Variants in ALG5 observed in about 807,000 individuals in gnomAD.
The protein encoded by ALG5 is ALG5 dolichyl-phosphate beta-glucosyltransferase.
Under a neutral mutation model 51.8 loss-of-function variants are expected in ALG5, and 26 were observed. That is an observed-to-expected ratio of 0.50 (90% CI 0.37 to 0.70). The LOEUF (loss-of-function observed/expected upper bound fraction) is 0.70. Ranked by LOEUF, ALG5 falls within the 30% of genes least tolerant of loss-of-function variation. The probability of loss-of-function intolerance (pLI) is 0.00; values close to 1 mark genes in which losing one functional copy is unlikely to be tolerated. For synonymous variants in ALG5, 141 were observed against 136.1 expected, an observed-to-expected ratio of 1.04 and a Z score of -0.25; for missense variants, 311 against 399.3, an observed-to-expected ratio of 0.78 and a Z score of 1.88.
At chr13:36,951,832 G>A (rs779703344) in intron 9 of ALG5, among the ~76,000 whole-genome samples, 19 of 152,226 alleles carry the variant, frequency 1.2e-4, no homozygotes, top group East Asian at 1.9e-4. Flanking sequence ...TTGCCCAGGC[G>A]GGAGTGCAAT....
intron 5 of ALG5, 148 bp from the exon 6 acceptor site, chr13:36,985,888 T>G: frequency 2.0e-6 from 1 of 498,196 alleles, no homozygotes; most frequent in Non-Finnish European, 3.5e-6. Flanking sequence ...GAAAACAAAT[T>G]ACCTGTATAT....
At chr13:36,968,288 G>A (rs1566060279) in intron 7 of ALG5, among the ~76,000 whole-genome samples, 1 of 152,134 alleles carries the variant, frequency 6.6e-6, no homozygotes, top group Non-Finnish European at 1.5e-5. Context: ...GTTAACGCTA[G>A]TATCTTCAAT....
chr13:36,954,804 A>C (rs2058832852), intron 8 of ALG5, among the ~76,000 whole-genome samples: 2 of 152,202 alleles, frequency 1.3e-5, no homozygotes, highest in Admixed American at 6.5e-5. Flanking sequence ...AGGACAAAAA[A>C]TATGCTGAGA....
intron 1 of ALG5, among the ~76,000 whole-genome samples, chr13:36,997,330 G>C (rs1364538245): frequency 6.6e-6 from 1 of 151,846 alleles, no homozygotes; most frequent in African/African-American, 2.4e-5. Context: ...AAAATTAACC[G>C]GGAGTGGTGG....
At chr13:36,952,661 A>G (rs2058823753) in intron 8 of ALG5, 62 bp from the exon 9 acceptor site, 3 of 981,302 alleles carry the variant, frequency 3.1e-6, no homozygotes, top group Admixed American at 3.5e-5. Context: ...CTACATCTCT[A>G]CCTTGGCATG....
chr13:36,991,769 T>C (rs1240434616), intron 4 of ALG5, among the ~76,000 whole-genome samples: 1 of 151,542 alleles, frequency 6.6e-6, no homozygotes, highest in Non-Finnish European at 1.5e-5. Context: ...GAGATGATTC[T>C]TTTTTTTTGA....
rs1326771857 is a variant in ALG5 at position 36,965,676 on chromosome 13, C to A, written c.672G>T (p.Trp224Cys). 1 of 1,613,750 alleles carries A rather than the reference C, an allele frequency of 6.2e-7. No homozygotes were observed. Among genetic ancestry groups the A allele is most frequent in the African/African-American group, 1.3e-5 (1 of 75,008 alleles). Residue 224 changes from tryptophan (W) to cysteine (C), a missense_variant, in exon 8 of 10, where the codon TGG becomes TGT. By Grantham distance (215) the Trp-to-Cys change is radical. Coordinates refer to ENST00000239891, the MANE Select transcript of ALG5 (RefSeq NM_013338.5). ...LLMYGFHFLV[W>C]FLCVKGIRDT... The stretch of plus-strand genomic sequence containing the variant: ...CCCTGATTCCTTTGACACAAAGGAA[C>A]CACACCAGAAAGTGGAACCCATACA...
intron 6 of ALG5, among the ~76,000 whole-genome samples, chr13:36,982,818 G>A (rs1362785684): frequency 6.6e-6 from 1 of 152,140 alleles, no homozygotes; most frequent in Admixed American, 6.5e-5. Flanking sequence ...AGTATTACAT[G>A]ATGCATATTA....
Position 36,976,653 on chromosome 13 carries a change from C to G in ALG5, c.562-4617G>C, listed in dbSNP as rs552176336. Among the ~76,000 whole-genome samples the G allele has an allele frequency of 8.6e-5, 13 of 151,670 alleles. 1 individual carries two copies. The East Asian group carries it at 2.5e-3, about 29-fold the overall frequency. On this transcript the variant is annotated intron_variant, in intron 6 of 9. Coordinates refer to ENST00000239891, the MANE Select transcript of ALG5 (RefSeq NM_013338.5). ...GTCCCAGCTACTTGGGAGGCTGAGG[C>G]AGGAGAATCGCTTGAACCTGGGAGG...
intron 8 of ALG5, among the ~76,000 whole-genome samples, chr13:36,956,211 A>G (rs2058839086): frequency 6.6e-6 from 1 of 152,208 alleles, no homozygotes. Flanking sequence ...ACATTTCTCA[A>G]AAGATGACAT....
Position 36,995,033 on chromosome 13 carries a change from G to T in ALG5, c.241C>A (p.Pro81Thr). Residue 81 changes from proline (P) to threonine (T), a missense_variant and splice_region_variant, in exon 3 of 10, where the codon CCT (proline) becomes ACT (threonine). By Grantham distance (38) the Pro-to-Thr change is conservative. Coordinates refer to ENST00000239891, the MANE Select transcript of ALG5 (RefSeq NM_013338.5). ...VPSYNEEKRL[P>T]VMMDEALSYL... ...CTCAGAGCTTCATCCATCATCACAGGCACTTGAAGAAAAAAATATATTAAA... is the reference window on the plus strand; with the variant it reads ...CTCAGAGCTTCATCCATCATCACAGTCACTTGAAGAAAAAAATATATTAAA... 6.2e-7 allele frequency: 1 copy of T among 1,612,474 alleles called. No homozygotes were observed. The highest frequency in any genetic ancestry group is 8.5e-7 in the Non-Finnish European group (1 of 1,178,908).
intron 9 of ALG5, among the ~76,000 whole-genome samples, chr13:36,950,263 G>C (rs2058812443): frequency 6.6e-6 from 1 of 152,044 alleles, no homozygotes; most frequent in Non-Finnish European, 1.5e-5. Context: ...GAAGTGAAAT[G>C]AAACTTGAGA....
chr13:36,983,915 AATT>A (rs1332723318), intron 6 of ALG5, among the ~76,000 whole-genome samples: 1 of 151,924 alleles, frequency 6.6e-6, no homozygotes, highest in Non-Finnish European at 1.5e-5. Flanking sequence ...GTTTTTCTGT[AATT>A]ATTATTAAAT....
At chr13:36,972,774 C>G (rs963635678) in intron 6 of ALG5, among the ~76,000 whole-genome samples, 1 of 152,038 alleles carries the variant, frequency 6.6e-6, no homozygotes, top group East Asian at 1.9e-4. Context: ...GGGCAGATCA[C>G]GAGGTCAGGA....
At chr13:36,974,712 G>GCCC (rs754668806) in intron 6 of ALG5, among the ~76,000 whole-genome samples, 2 of 150,980 alleles carry the variant, frequency 1.3e-5, no homozygotes, top group Non-Finnish European at 3.0e-5. Context: ...TCTATGTAAA[G>GCCC]CCCCCCCACC....
At chr13:36,975,142 C>T (rs183403623) in intron 6 of ALG5, among the ~76,000 whole-genome samples, 50 of 152,210 alleles carry the variant, frequency 3.3e-4, no homozygotes, top group Non-Finnish European at 6.0e-4. Context: ...ACTCAGGAGG[C>T]GGAGGGTGCA....
intron 8 of ALG5, among the ~76,000 whole-genome samples, chr13:36,953,395 C>T (rs1198971856): frequency 6.6e-6 from 1 of 152,200 alleles, no homozygotes; most frequent in African/African-American, 2.4e-5. Flanking sequence ...TGAATCCTGA[C>T]TCATAAGTTT....
intron 9 of ALG5, among the ~76,000 whole-genome samples, chr13:36,951,919 G>C (rs1164301414): frequency 6.6e-6 from 1 of 152,040 alleles, no homozygotes; most frequent in African/African-American, 2.4e-5. Flanking sequence ...TGACTAGCTG[G>C]GATTACAGGT....
intron 6 of ALG5, among the ~76,000 whole-genome samples, chr13:36,972,327 G>A (rs1190829454): frequency 3.3e-5 from 5 of 152,008 alleles, no homozygotes; most frequent in Non-Finnish European, 5.9e-5. Flanking sequence ...TTATTTGAGA[G>A]AAAAATTAGT....
Sources: gnomAD v4.1 joint callset for allele counts (sites outside exome capture counted in the v4.1 genomes callset) on GRCh38, gnomAD v4.1.1 for gene constraint, MANE v1.5 for transcripts, NCBI Gene and HGNC (gene_info 2026-07-23, HGNC 2026-07-21) for gene names.